NRXN1: variants seen among roughly 807,000 people sequenced by gnomAD.
NRXN1 encodes neurexin 1, also known as neurexin-1.
Under a neutral mutation model 150.9 loss-of-function variants are expected in NRXN1, and 39 were observed. The ratio of observed to expected loss-of-function variants is 0.26; its 90% CI spans 0.20 to 0.34. NRXN1 has a LOEUF of 0.34. Ranked by LOEUF, NRXN1 falls within the 10% of genes least tolerant of loss-of-function variation. The pLI, the probability that NRXN1 is intolerant of heterozygous loss-of-function variation, is 1.00. For synonymous variants in NRXN1, 924 were observed against 757.0 expected (o/e 1.22, Z -3.62); for missense variants, 1,815 against 1,949.9 (o/e 0.93, Z 1.30).
At chr2:50,029,077 A>C (rs549244490) in intron 21 of NRXN1, among the ~76,000 whole-genome samples, 23 of 152,190 alleles carry the variant, frequency 1.5e-4, no homozygotes, top group Non-Finnish European at 3.1e-4. Flanking sequence ...AGCAGTGATT[A>C]GGTGTTGAGG....
intron 2 of NRXN1, among the ~76,000 whole-genome samples, chr2:50,968,725 A>C (rs1417927598): frequency 6.6e-6 from 1 of 152,050 alleles, no homozygotes; most frequent in Non-Finnish European, 1.5e-5. Flanking sequence ...CTCCTCTTCA[A>C]ACAAAATTTT....
chr2:49,974,482 A>G (rs1366550439), intron 21 of NRXN1, among the ~76,000 whole-genome samples: 1 of 152,204 alleles, frequency 6.6e-6, no homozygotes, highest in African/African-American at 2.4e-5. Flanking sequence ...TGCTAAACAC[A>G]GAGGGGAAAC....
At chr2:50,551,963 C>G (rs1258884038) in intron 9 of NRXN1, among the ~76,000 whole-genome samples, 1 of 152,110 alleles carries the variant, frequency 6.6e-6, no homozygotes, top group African/African-American at 2.4e-5. Flanking sequence ...ACTTTACCTG[C>G]CACCTTTACC....
chr2:50,205,645 T>C (rs1373360670), intron 18 of NRXN1, among the ~76,000 whole-genome samples: 1 of 152,050 alleles, frequency 6.6e-6, no homozygotes, highest in African/African-American at 2.4e-5. Flanking sequence ...ACACAAAATC[T>C]TGTACATGAT....
intron 18 of NRXN1, among the ~76,000 whole-genome samples, chr2:50,136,038 A>G (rs144067649): frequency 7.9e-4 from 121 of 152,306 alleles, no homozygotes; most frequent in African/African-American, 2.7e-3. Context: ...CCAGTCTTCA[A>G]TACAATAGAT....
intron 18 of NRXN1, among the ~76,000 whole-genome samples, chr2:50,142,031 T>C (rs1404353221): frequency 2.0e-5 from 3 of 152,026 alleles, no homozygotes; most frequent in African/African-American, 7.2e-5. Context: ...ATATTCACAA[T>C]AGCAAAGACA....
At chr2:50,596,102 T>A (rs1675158092) in intron 8 of NRXN1, among the ~76,000 whole-genome samples, 1 of 152,176 alleles carries the variant, frequency 6.6e-6, no homozygotes, top group East Asian at 1.9e-4. Flanking sequence ...CTCCTCAGCC[T>A]TTTACTTCTT....
chr2:50,406,226 G>C (rs1483310646), intron 17 of NRXN1, among the ~76,000 whole-genome samples: 1 of 152,020 alleles, frequency 6.6e-6, no homozygotes, highest in Non-Finnish European at 1.5e-5. Context: ...GAGAAGACAT[G>C]ATGGGAAAAC....
chr2:50,110,121 G>A (rs1292201318), intron 18 of NRXN1, among the ~76,000 whole-genome samples: 4 of 152,220 alleles, frequency 2.6e-5, no homozygotes, highest in Non-Finnish European at 4.4e-5. Context: ...TGTAATGCAA[G>A]AAACAAGTAG....
In NRXN1 at chr2:51,028,299, G is replaced by C. The variant is rs954883040; in HGVS notation, c.-26C>G. The C allele has an allele frequency of 1.4e-6, 2 of 1,411,006 alleles. No homozygotes were observed. The highest frequency in any genetic ancestry group is 1.4e-5 in the African/African-American group (1 of 69,010). The allele number at this position is 1,411,006 out of a possible 1,614,324, so 87.4% of individuals were successfully genotyped here. On this transcript the variant is annotated 5_prime_UTR_variant, in exon 2 of 23. Coordinates refer to ENST00000401669, the MANE Select transcript of NRXN1 (RefSeq NM_001330078.2). The stretch of plus-strand genomic sequence containing the variant: ...GCTCGGGGCTGGGGTGCGGCGGGGG[G>C]GTGCCGGGGCCGACAGGGTCAAAAT...
intron 5 of NRXN1, among the ~76,000 whole-genome samples, chr2:50,705,700 C>G (rs187035105): frequency 2.4e-4 from 36 of 152,264 alleles, no homozygotes; most frequent in Non-Finnish European, 4.1e-4. Context: ...GCTTCAACCT[C>G]ATTTTGACAT....
At chr2:50,355,170 C>A (rs932026180) in intron 17 of NRXN1, among the ~76,000 whole-genome samples, 5 of 151,124 alleles carry the variant, frequency 3.3e-5, no homozygotes, top group Non-Finnish European at 5.9e-5. Flanking sequence ...CTTAATCATG[C>A]GATTCAAATT....
At position 50,552,951 on chromosome 2, in the gene NRXN1, G is replaced by A. The variant is rs1667744842; in HGVS notation, c.1395C>T (p.Ile465=). 6.2e-7 allele frequency: 1 copy of A among 1,613,732 alleles called. No individual in the cohort carries two copies. Among genetic ancestry groups the A allele is most frequent in the Non-Finnish European group, 8.5e-7 (1 of 1,179,714 alleles). Residue 465 remains isoleucine, a synonymous_variant, in exon 9 of 23, where the codon ATC becomes ATT. Coordinates refer to ENST00000401669, the MANE Select transcript of NRXN1 (RefSeq NM_001330078.2). The stretch of plus-strand genomic sequence containing the variant: ...CACATTTAAATGCCACCACTCCATG[G>A]ATCTTCATCTTAGGATCTCCTTGCT... ...LAKQGDPKMK[I]HGVVAFKCEN...
intron 18 of NRXN1, among the ~76,000 whole-genome samples, chr2:50,217,416 G>A (rs1205034280): frequency 6.6e-6 from 1 of 151,828 alleles, no homozygotes; most frequent in Non-Finnish European, 1.5e-5. Flanking sequence ...TGACAGTTGA[G>A]AAACTAAGTG....
chr2:50,830,050 C>A (rs1039324545), intron 5 of NRXN1, among the ~76,000 whole-genome samples: 1 of 127,888 alleles, frequency 7.8e-6, no homozygotes, highest in African/African-American at 3.0e-5. Context: ...TTCACAAAGT[C>A]TCTGGCTGTG....
At chr2:50,967,153 T>C (rs1282547647) in intron 2 of NRXN1, among the ~76,000 whole-genome samples, 1 of 151,934 alleles carries the variant, frequency 6.6e-6, no homozygotes, top group Non-Finnish European at 1.5e-5. Context: ...AATCCCACAA[T>C]AGGCTGTGGC....
intron 2 of NRXN1, chr2:50,979,288 G>A: frequency 1.9e-6 from 1 of 518,134 alleles, no homozygotes; most frequent in Middle Eastern, 3.2e-4. Flanking sequence ...GGAAGGAAGA[G>A]AGAACTTCCT....
intron 21 of NRXN1, among the ~76,000 whole-genome samples, chr2:50,046,756 C>T (rs1370967237): frequency 3.3e-5 from 5 of 152,098 alleles, no homozygotes; most frequent in Non-Finnish European, 5.9e-5. Context: ...CTGGAGTCAA[C>T]GCCCTTGACC....
At chr2:50,276,569 T>C (rs2070501022) in intron 17 of NRXN1, among the ~76,000 whole-genome samples, 1 of 152,176 alleles carries the variant, frequency 6.6e-6, no homozygotes, top group Non-Finnish European at 1.5e-5. Context: ...GAGAAAGAAA[T>C]ACATCCTTCT....
Sources: allele counts gnomAD v4.1 joint callset (sites outside exome capture counted in the v4.1 genomes callset), GRCh38; gene constraint gnomAD v4.1.1; transcripts MANE v1.5; gene names NCBI Gene and HGNC (gene_info 2026-07-23, HGNC 2026-07-21).